PTPRR: variants seen among roughly 807,000 people sequenced by gnomAD.
PTPRR encodes the protein protein tyrosine phosphatase receptor type R.
In PTPRR, 38 loss-of-function variants were observed where a neutral mutation model predicts 77.2. The observed-to-expected ratio is 0.49, with a 90% confidence interval of 0.38 to 0.65. PTPRR has a LOEUF of 0.65. Among genes scored for constraint, PTPRR ranks in the 30% least tolerant of loss-of-function variants. The probability of loss-of-function intolerance (pLI) is 0.00; values close to 1 mark genes in which losing one functional copy is unlikely to be tolerated. For synonymous variants in PTPRR, 299 were observed against 283.1 expected, an observed-to-expected ratio of 1.06 and a Z score of -0.57; for missense variants, 744 against 799.2, an observed-to-expected ratio of 0.93 and a Z score of 0.83.
At chr12:70,831,580 G>A (rs1892213542) in intron 2 of PTPRR, among the ~76,000 whole-genome samples, 1 of 152,174 alleles carries the variant, frequency 6.6e-6, no homozygotes, top group South Asian at 2.1e-4. Context: ...TGGGTGAAGT[G>A]TTCTGTTGTT....
rs538283825 is a variant in PTPRR, at chr12:70,752,024, A to G, written c.738+2167T>C. 3.3e-5 allele frequency among the ~76,000 whole-genome samples: 5 copies of G among 152,270 alleles called. No individual in the cohort carries two copies. In the South Asian group the frequency reaches 1.0e-3, roughly 32 times the overall value. ...TTCCCTTTCTCTGAAATCTCTGGCA[A>G]CCACTGATATTTTCTATAGGCTTGA... On this transcript the variant is annotated intron_variant, in intron 5 of 13. Transcript: ENST00000283228.
chr12:70,794,505 C>T (rs933993932), intron 2 of PTPRR, among the ~76,000 whole-genome samples: 7 of 152,176 alleles, frequency 4.6e-5, no homozygotes, highest in Admixed American at 3.9e-4. Flanking sequence ...TGTGTCAGAA[C>T]TCTGGGGAAA....
chr12:70,662,554 C>T lies in PTPRR; in HGVS notation c.1549G>A (p.Val517Ile). ...CATTCATTTACACTGATAACCAGAA[C>T]CTCAACTTTTCCATATATCCCTCTC... Reference protein sequence around the residue: ...EKRGIYGKVEVLVISVNECDN... With the variant: ...EKRGIYGKVEILVISVNECDN... The change falls in exon 11 of 14, where the codon GTT becomes ATT. Residue 517 changes from valine to isoleucine, a missense_variant. Around this residue, in one of 3 missense-constraint regions of PTPRR, gnomAD observed 170 missense variants for 209.8 expected, o/e 0.81. Transcript: ENST00000283228. 6.2e-7 allele frequency: 1 copy of T among 1,612,848 alleles called. No homozygotes were observed.
intron 2 of PTPRR, among the ~76,000 whole-genome samples, chr12:70,767,803 G>A (rs947277805): frequency 1.2e-4 from 18 of 151,994 alleles, no homozygotes; most frequent in Non-Finnish European, 2.1e-4. Flanking sequence ...AACAGAAATT[G>A]TAACAATTGT....
At chr12:70,901,756 G>C (rs1893538112) in intron 1 of PTPRR, among the ~76,000 whole-genome samples, 1 of 151,622 alleles carries the variant, frequency 6.6e-6, no homozygotes, top group South Asian at 2.1e-4. Flanking sequence ...AAATAGTTGG[G>C]ACTTAATCAT....
intron 10 of PTPRR, among the ~76,000 whole-genome samples, chr12:70,665,091 T>C (rs1381072133): frequency 6.6e-6 from 1 of 152,158 alleles, no homozygotes; most frequent in East Asian, 1.9e-4. Context: ...ACCACACTAA[T>C]TGTAGGTGAT....
intron 1 of PTPRR, among the ~76,000 whole-genome samples, chr12:70,895,069 T>C (rs1219434253): frequency 2.0e-5 from 3 of 151,688 alleles, no homozygotes; most frequent in Non-Finnish European, 4.4e-5. Flanking sequence ...CCCATCTTTA[T>C]AACCCCACAT....
chr12:70,769,781 A>G (rs564876904), intron 2 of PTPRR, among the ~76,000 whole-genome samples: 1 of 152,154 alleles, frequency 6.6e-6, no homozygotes, highest in East Asian at 1.9e-4. Context: ...TACAGTAAAC[A>G]AAACAGCATG....
intron 6 of PTPRR, among the ~76,000 whole-genome samples, chr12:70,718,339 C>T (rs1889112437): frequency 6.6e-6 from 1 of 151,870 alleles, no homozygotes; most frequent in Non-Finnish European, 1.5e-5. Context: ...GATCTCAGCT[C>T]ACTGCAATCG....
At position 70,894,745 on chromosome 12, in the gene PTPRR, A is replaced by T. The variant is rs948116574; in HGVS notation, c.59-1768T>A. On this transcript the variant is annotated intron_variant, in intron 1 of 13. Coordinates refer to ENST00000283228, the MANE Select transcript of PTPRR (RefSeq NM_002849.4). ...TGTTCTGAATTCCATTATACTACATATGTTCTTAATGAGAGTTTCATTTCC... is the reference window on the plus strand; with the variant it reads ...TGTTCTGAATTCCATTATACTACATTTGTTCTTAATGAGAGTTTCATTTCC... Among the ~76,000 whole-genome samples, 10 of 151,850 alleles carry T rather than the reference A, an allele frequency of 6.6e-5. No homozygotes were observed. The South Asian group carries it at 1.7e-3, about 25-fold the overall frequency.
rs1889199376 is a variant in PTPRR, at chr12:70,720,307, C to T, written c.1008-18984G>A. On this transcript the variant is annotated intron_variant, in intron 6 of 13. Transcript: ENST00000283228. ...GCTTGAATGCCTGTGTCTCCGTTTC[C>T]TTATCATTAAATTTGAGATGATATA... Among the ~76,000 whole-genome samples, 3 of 152,036 alleles carry T rather than the reference C, an allele frequency of 2.0e-5. No individual in the cohort carries two copies. The South Asian group carries it at 6.2e-4, about 31-fold the overall frequency.
chr12:70,862,329 T>C (rs1892766804), intron 2 of PTPRR, among the ~76,000 whole-genome samples: 1 of 151,966 alleles, frequency 6.6e-6, no homozygotes, highest in African/African-American at 2.4e-5. Context: ...TTAGTGTAGT[T>C]AAGTGGTCAA....
intron 2 of PTPRR, among the ~76,000 whole-genome samples, chr12:70,846,225 C>T (rs1477060262): frequency 6.6e-6 from 1 of 152,124 alleles, no homozygotes; most frequent in Non-Finnish European, 1.5e-5. Context: ...TTTCCACTAG[C>T]TACGGACCAG....
intron 10 of PTPRR, among the ~76,000 whole-genome samples, chr12:70,682,782 T>G (rs1887724231): frequency 6.6e-6 from 1 of 152,178 alleles, no homozygotes; most frequent in Non-Finnish European, 1.5e-5. Context: ...TGACACTGTG[T>G]GGGAAACAGC....
intron 13 of PTPRR, among the ~76,000 whole-genome samples, chr12:70,651,962 T>C (rs1262229666): frequency 6.6e-6 from 1 of 151,928 alleles, no homozygotes. Flanking sequence ...TTTTGGGAGT[T>C]AAATAAGTCA....
intron 10 of PTPRR, among the ~76,000 whole-genome samples, chr12:70,664,844 C>G (rs575707520): frequency 2.6e-5 from 4 of 152,328 alleles, no homozygotes; most frequent in African/African-American, 9.6e-5. Flanking sequence ...TTTTTACACA[C>G]TGAATACATT....
chr12:70,858,106 C>T (rs531044341), intron 2 of PTPRR, among the ~76,000 whole-genome samples: 30 of 152,070 alleles, frequency 2.0e-4, no homozygotes, highest in South Asian at 4.1e-4. Context: ...TGAGAGATTC[C>T]GCTTATGGCC....
intron 6 of PTPRR, among the ~76,000 whole-genome samples, chr12:70,709,291 A>G (rs1268081859): frequency 6.6e-6 from 1 of 152,184 alleles, no homozygotes; most frequent in African/African-American, 2.4e-5. Context: ...AACTCTTAAT[A>G]AACTAGGTAC....
intron 1 of PTPRR, among the ~76,000 whole-genome samples, chr12:70,920,058 G>A (rs1893833205): frequency 6.6e-6 from 1 of 152,028 alleles, no homozygotes; most frequent in Non-Finnish European, 1.5e-5. Flanking sequence ...TAGACGGAGG[G>A]GAGGCGAAGG....
Sources: gnomAD v4.1 joint callset for allele counts (sites outside exome capture counted in the v4.1 genomes callset) on GRCh38, gnomAD v4.1.1 for gene constraint, gnomAD v4.1.1 regional missense constraint, MANE v1.5 for transcripts, NCBI Gene and HGNC (gene_info 2026-07-23, HGNC 2026-07-21) for gene names.